SV2C: variants seen among roughly 807,000 people sequenced by gnomAD.
SV2C encodes solute carrier family 22 member B3.
In SV2C, 49 loss-of-function variants were observed where a neutral mutation model predicts 79.7. That is an observed-to-expected ratio of 0.61 (90% CI 0.49 to 0.78). The LOEUF (loss-of-function observed/expected upper bound fraction) is 0.78, where lower values mean the gene tolerates loss of function less well. SV2C is among the 30% of genes least tolerant of loss of function. The probability of loss-of-function intolerance (pLI) is 0.00; values close to 1 mark genes in which losing one functional copy is unlikely to be tolerated. For missense variants in SV2C, 833 were observed against 912.9 expected (o/e 0.91, Z 1.13); for synonymous variants, 334 against 333.2 (o/e 1.00, Z -0.03).
the SV2C span, among the ~76,000 whole-genome samples, chr5:75,870,585 TAAG>T: frequency 1.3e-5 from 2 of 151,948 alleles, no homozygotes; most frequent in Non-Finnish European, 2.9e-5. Context: ...GAAATAGGGG[TAAG>T]AAGTTTATTC....
Position 76,295,742 on chromosome 5 carries a change from G to T in SV2C, c.1338-36G>T, listed in dbSNP as rs562922827. ...GTTGCTCATTGCCTCTGGCATGCTAGTGCCTTTACAAACTCACATTTCTTT... is the reference window on the plus strand; with the variant it reads ...GTTGCTCATTGCCTCTGGCATGCTATTGCCTTTACAAACTCACATTTCTTT... On this transcript the variant is annotated intron_variant, in intron 8 of 12. Coordinates refer to ENST00000502798, the MANE Select transcript of SV2C (RefSeq NM_014979.4). 4 of 1,590,304 alleles carry T rather than the reference G, an allele frequency of 2.5e-6. No individual in the cohort carries two copies. The East Asian group carries it at 9.0e-5, about 36-fold the overall frequency.
At chr5:75,956,747 G>A in the SV2C span, among the ~76,000 whole-genome samples, 1 of 151,866 alleles carries the variant, frequency 6.6e-6, no homozygotes, top group Non-Finnish European at 1.5e-5. Flanking sequence ...TCATGTGGAT[G>A]TCCTTGAGAA....
chr5:75,949,084 T>C, the SV2C span, among the ~76,000 whole-genome samples: 2 of 151,816 alleles, frequency 1.3e-5, no homozygotes, highest in African/African-American at 2.4e-5. Flanking sequence ...GAATCGATCC[T>C]GTAGCGTGTG....
intron 2 of SV2C, among the ~76,000 whole-genome samples, chr5:76,171,700 G>C: frequency 7.0e-6 from 1 of 142,144 alleles, no homozygotes; most frequent in East Asian, 2.4e-4. Flanking sequence ...GTGCCGTCCG[G>C]GAGGGAGGTG....
intron 12 of SV2C, among the ~76,000 whole-genome samples, chr5:76,309,981 G>C (rs1748369470): frequency 6.6e-6 from 1 of 151,924 alleles, no homozygotes; most frequent in South Asian, 2.1e-4. Context: ...ATTGGCATTT[G>C]AATATTTTTG....
Position 76,173,818 on chromosome 5 carries a change from A to G in SV2C, c.581-21101A>G, listed in dbSNP as rs1203552803. On this transcript the variant is annotated intron_variant, in intron 2 of 12. Transcript: ENST00000502798. The stretch of plus-strand genomic sequence containing the variant: ...CTTGTTCCTTCCCTACAACTCTTTC[A>G]TCTTCCAAGTCACACTTATTACCAA... 5.6e-6 allele frequency: 9 copies of G among 1,598,990 alleles called. No individual in the cohort carries two copies. In the Admixed American group the frequency reaches 8.3e-5, roughly 15 times the overall value.
downstream of SV2C, among the ~76,000 whole-genome samples, chr5:76,335,298 C>T (rs1399701469): frequency 1.3e-5 from 2 of 152,164 alleles, no homozygotes; most frequent in Non-Finnish European, 2.9e-5. Flanking sequence ...TTCTTTCCCC[C>T]TTTTCTGATA....
chr5:76,306,026 C>T (rs978423972), intron 12 of SV2C, among the ~76,000 whole-genome samples: 2 of 152,102 alleles, frequency 1.3e-5, no homozygotes, highest in Non-Finnish European at 2.9e-5. Flanking sequence ...AAAAGACACT[C>T]TTTTGGTGGA....
chr5:76,093,261 T>G (rs1747438097), intron 1 of SV2C, among the ~76,000 whole-genome samples: 1 of 152,140 alleles, frequency 6.6e-6, no homozygotes, highest in African/African-American at 2.4e-5. Flanking sequence ...TTGGAGGTGC[T>G]TATCAAGTTC....
At chr5:75,860,258 A>G in the SV2C span, among the ~76,000 whole-genome samples, 1 of 152,224 alleles carries the variant, frequency 6.6e-6, no homozygotes, top group African/African-American at 2.4e-5. Flanking sequence ...ATTCAAGCTG[A>G]GAATCAAATG....
chr5:76,237,491 G>A (rs996337675), intron 4 of SV2C, among the ~76,000 whole-genome samples: 1 of 152,058 alleles, frequency 6.6e-6, no homozygotes, highest in African/African-American at 2.4e-5. Context: ...TGTCATCCTG[G>A]AACTTCTCTC....
In SV2C at chr5:76,123,053, C is replaced by T. The variant is rs201961699; in HGVS notation, c.-101-8597C>T. 5.2e-4 allele frequency among the ~76,000 whole-genome samples: 79 copies of T among 152,124 alleles called. No individual in the cohort carries two copies. The East Asian group carries it at 7.5e-3, about 14-fold the overall frequency. ...TAAAGGGGATATGGGATATCACCAC[C>T]GATCCCACAGAAATACAAACTACCA... is the stretch of plus-strand genomic sequence containing the variant. On this transcript the variant is annotated intron_variant, in intron 1 of 12. Transcript: ENST00000502798.
the SV2C span, among the ~76,000 whole-genome samples, chr5:75,908,016 TGTTA>T: frequency 6.6e-6 from 1 of 152,194 alleles, no homozygotes; most frequent in African/African-American, 2.4e-5. Flanking sequence ...AGAATGCCAG[TGTTA>T]GTTAGGAACA....
the SV2C span, among the ~76,000 whole-genome samples, chr5:75,923,956 A>G: frequency 6.6e-6 from 1 of 152,250 alleles, no homozygotes; most frequent in African/African-American, 2.4e-5. Flanking sequence ...ACACATGCGC[A>G]TGCATGTTTA....
chr5:76,270,267 T>C (rs1746800698), intron 4 of SV2C, among the ~76,000 whole-genome samples: 1 of 152,220 alleles, frequency 6.6e-6, no homozygotes, highest in African/African-American at 2.4e-5. Context: ...ATATTAACTC[T>C]TGGATGTTTT....
At chr5:76,101,564 G>A (rs1377185120) in intron 1 of SV2C, among the ~76,000 whole-genome samples, 4 of 152,076 alleles carry the variant, frequency 2.6e-5, no homozygotes, top group Non-Finnish European at 5.9e-5. Flanking sequence ...TGGACAATTA[G>A]CAAATAAAAA....
chr5:76,054,926 A>C, the SV2C span, among the ~76,000 whole-genome samples: 4 of 152,008 alleles, frequency 2.6e-5, no homozygotes, highest in Non-Finnish European at 4.4e-5. Flanking sequence ...TGATTGCAAA[A>C]CTTTTCACCC....
chr5:76,160,964 A>ACT (rs58443145), intron 2 of SV2C, among the ~76,000 whole-genome samples: 110,729 of 151,888 alleles, frequency 0.73, 41,510 homozygotes, highest in East Asian at 0.99. Flanking sequence ...TTTGGAAAAA[A>ACT]CTAGCAGTTT....
chr5:75,948,065 GT>G, the SV2C span, among the ~76,000 whole-genome samples: 39 of 152,036 alleles, frequency 2.6e-4, no homozygotes, highest in African/African-American at 9.4e-4. Context: ...AGAGGCCCCT[GT>G]TTAGATAAAA....
Sources: gnomAD v4.1 joint callset for allele counts (sites outside exome capture counted in the v4.1 genomes callset) on GRCh38, gnomAD v4.1.1 for gene constraint, MANE v1.5 for transcripts, NCBI Gene and HGNC (gene_info 2026-07-23, HGNC 2026-07-21) for gene names.